The following GRAMD1B variants were observed in gnomAD, a reference collection of about 807,000 sequenced individuals.
GRAMD1B encodes GRAM domain containing 1B.
GRAMD1B carries 37 observed loss-of-function variants against 99.7 expected under a neutral mutation model. The ratio of observed to expected loss-of-function variants is 0.37; its 90% CI spans 0.29 to 0.49. GRAMD1B has a LOEUF of 0.49. Ranked by LOEUF, GRAMD1B falls within the 20% of genes least tolerant of loss-of-function variation. The pLI, the probability that GRAMD1B is intolerant of heterozygous loss-of-function variation, is 0.98. For missense variants in GRAMD1B, 888 were observed against 1,009.2 expected (o/e 0.88, Z 1.63); for synonymous variants, 427 against 387.6 (o/e 1.10, Z -1.19).
rs116886884 is a variant in GRAMD1B, at chr11:123,582,596, C to A, written c.664-1716C>A. 2.6e-5 allele frequency among the ~76,000 whole-genome samples: 4 copies of A among 152,270 alleles called. No individual in the cohort carries two copies. In the East Asian group the frequency reaches 7.7e-4, roughly 29 times the overall value. ...TGGCCATCGAGGGCATGTGTGAGGA[C>A]GAAGCTGCTCAGAAGCAGCCCCACC... On this transcript the variant is annotated intron_variant, in intron 3 of 19. Transcript: ENST00000635736.
At chr11:123,575,665 T>C (rs756626912) in intron 2 of GRAMD1B, among the ~76,000 whole-genome samples, 1 of 152,164 alleles carries the variant, frequency 6.6e-6, no homozygotes, top group Non-Finnish European at 1.5e-5. Context: ...CTCTCCACGC[T>C]TCCCCAGGGG....
intron 1 of GRAMD1B, among the ~76,000 whole-genome samples, chr11:123,414,955 C>T (rs1948176927): frequency 6.6e-6 from 1 of 152,094 alleles, no homozygotes; most frequent in Admixed American, 6.5e-5. Context: ...TACACACATG[C>T]CCTTTGAAAG....
intron 2 of GRAMD1B, chr11:123,560,561 T>TCCCCCCCCCCCCC: frequency 8.8e-6 from 7 of 794,298 alleles, no homozygotes; most frequent in South Asian, 2.8e-5. Context: ...GGGCCCCCGC[T>TCCCCCCCCCCCCC]CCCCGCCCCC....
chr11:123,485,715 CTTTTT>C (rs373956363), intron 2 of GRAMD1B, among the ~76,000 whole-genome samples: 4 of 132,466 alleles, frequency 3.0e-5, no homozygotes, highest in Admixed American at 7.6e-5. Context: ...TTAATTCATT[CTTTTT>C]TTTTTTTTTT....
chr11:123,615,363 A>G (rs191800538), intron 17 of GRAMD1B, among the ~76,000 whole-genome samples: 15 of 152,372 alleles, frequency 9.8e-5, no homozygotes, highest in Middle Eastern at 6.8e-3. Flanking sequence ...ATGACATTAT[A>G]AAACAGTAGG....
intron 1 of GRAMD1B, among the ~76,000 whole-genome samples, chr11:123,441,585 C>T (rs984320458): frequency 2.6e-5 from 4 of 151,592 alleles, no homozygotes; most frequent in African/African-American, 9.7e-5. Context: ...AGTTTGAGAC[C>T]AGTCTGGGCA....
At chr11:123,621,919 T>TCTTC (rs753619594) in intron 19 of GRAMD1B, among the ~76,000 whole-genome samples, 4 of 150,828 alleles carry the variant, frequency 2.7e-5, no homozygotes, top group Non-Finnish European at 4.4e-5. Context: ...TTTCTTTTCT[T>TCTTC]CTTCCTTCCT....
At chr11:123,429,317 C>A (rs1414327059), upstream of GRAMD1B, among the ~76,000 whole-genome samples, 2 of 152,110 alleles carry the variant, frequency 1.3e-5, no homozygotes, top group Non-Finnish European at 2.9e-5. The surrounding 1 kb of genome is among the most constrained non-coding windows in gnomAD (Gnocchi z 4.0). Flanking sequence ...ACTCAGTGCC[C>A]ACAGAGAGCA....
At chr11:123,455,079 A>G (rs1461380468) in intron 1 of GRAMD1B, among the ~76,000 whole-genome samples, 2 of 152,206 alleles carry the variant, frequency 1.3e-5, no homozygotes, top group African/African-American at 4.8e-5. Flanking sequence ...TTGTTTGAAT[A>G]TGTACTTCAT....
chr11:123,546,987 A>G (rs1159936364), intron 2 of GRAMD1B, among the ~76,000 whole-genome samples: 4 of 152,190 alleles, frequency 2.6e-5, no homozygotes, highest in Non-Finnish European at 4.4e-5. Flanking sequence ...CAACCTGTCA[A>G]CCTGTCTTGA....
intron 2 of GRAMD1B, among the ~76,000 whole-genome samples, chr11:123,514,414 G>A (rs369052932): frequency 5.3e-5 from 8 of 152,260 alleles, no homozygotes; most frequent in East Asian, 1.9e-4. Flanking sequence ...CAGTTTCCTC[G>A]TTTGTCCATG....
chr11:123,422,569 A>T (rs1948484919), intron 1 of GRAMD1B, among the ~76,000 whole-genome samples: 1 of 152,244 alleles, frequency 6.6e-6, no homozygotes, highest in Non-Finnish European at 1.5e-5. Context: ...AGAACAAACC[A>T]GGCAACTGTT....
At chr11:123,611,970 G>A (rs180858188) in intron 14 of GRAMD1B, among the ~76,000 whole-genome samples, 3 of 152,214 alleles carry the variant, frequency 2.0e-5, no homozygotes, top group African/African-American at 7.2e-5. Context: ...TGATACTGCA[G>A]GGGGTATGGA....
intron 2 of GRAMD1B, among the ~76,000 whole-genome samples, chr11:123,512,656 T>C (rs1454120246): frequency 6.6e-6 from 1 of 151,826 alleles, no homozygotes. Context: ...AGAGAGAATC[T>C]GATTGGCTAA....
At chr11:123,550,227 G>T (rs1169993597) in intron 2 of GRAMD1B, among the ~76,000 whole-genome samples, 3 of 152,118 alleles carry the variant, frequency 2.0e-5, no homozygotes, top group Non-Finnish European at 4.4e-5. Context: ...TTTCCTCCTG[G>T]GTCTTGTGTC....
At chr11:123,500,042 T>C (rs938847197) in intron 2 of GRAMD1B, among the ~76,000 whole-genome samples, 1 of 152,138 alleles carries the variant, frequency 6.6e-6, no homozygotes, top group African/African-American at 2.4e-5. Flanking sequence ...AATAAGGGTA[T>C]TTTGGCCGGA....
intron 2 of GRAMD1B, among the ~76,000 whole-genome samples, chr11:123,544,133 C>G (rs12226103): frequency 0.09 from 13,687 of 152,196 alleles, 682 homozygotes; most frequent in Middle Eastern, 0.13. Context: ...GGGGTGTGGT[C>G]TGGGAATTAG....
chr11:123,402,590 A>T (rs1381026273), intron 1 of GRAMD1B, among the ~76,000 whole-genome samples: 1 of 152,160 alleles, frequency 6.6e-6, no homozygotes, highest in African/African-American at 2.4e-5. Flanking sequence ...TCCCAGCATC[A>T]CAGTAAGTGA....
chr11:123,572,163 T>G (rs1297382024), intron 2 of GRAMD1B, among the ~76,000 whole-genome samples: 1 of 152,194 alleles, frequency 6.6e-6, no homozygotes, highest in Non-Finnish European at 1.5e-5. Flanking sequence ...CCCCCTAGAC[T>G]CAGGTTTCTT....
Sources: allele counts gnomAD v4.1 joint callset (sites outside exome capture counted in the v4.1 genomes callset), GRCh38; gene constraint gnomAD v4.1.1; non-coding constraint Gnocchi (gnomAD v3.1); transcripts MANE v1.5; gene names NCBI Gene and HGNC (gene_info 2026-07-23, HGNC 2026-07-21).